Variants in EVA1C observed in about 807,000 individuals in gnomAD.
EVA1C encodes protein eva-1 homolog C.
A neutral mutation model predicts 45.4 loss-of-function variants in EVA1C; 25 were observed. The observed-to-expected ratio is 0.55, with a 90% CI of 0.40 to 0.77. The LOEUF is 0.77. Among genes scored for constraint, EVA1C ranks in the 30% least tolerant of loss-of-function variants. The pLI is 0.00. For missense variants in EVA1C, 479 were observed against 554.8 expected (o/e 0.86, Z 1.37); for synonymous variants, 190 against 221.2 (o/e 0.86, Z 1.25).
chr21:32,496,770 G>T, intron 5 of EVA1C: 1 of 686,162 alleles, frequency 1.5e-6, no homozygotes, highest in Admixed American at 2.3e-5. Flanking sequence ...CGGGAAAGCT[G>T]AGACACTGCT....
chr21:32,475,206 C>A (rs560536408), intron 4 of EVA1C, among the ~76,000 whole-genome samples: 7 of 152,166 alleles, frequency 4.6e-5, no homozygotes, highest in South Asian at 2.1e-4. Flanking sequence ...CTGGATACCC[C>A]CTTGGAACAC....
chr21:32,502,780 A>C (rs2037600648), intron 6 of EVA1C, among the ~76,000 whole-genome samples: 1 of 152,088 alleles, frequency 6.6e-6, no homozygotes, highest in Non-Finnish European at 1.5e-5. Context: ...TCTTTCTTTT[A>C]ACTAATTAAT....
intron 7 of EVA1C, among the ~76,000 whole-genome samples, chr21:32,507,139 T>A (rs987073240): frequency 6.6e-6 from 1 of 152,218 alleles, no homozygotes; most frequent in Non-Finnish European, 1.5e-5. Flanking sequence ...GACAGGAGGA[T>A]GTCCAAGGGT....
intron 3 of EVA1C, among the ~76,000 whole-genome samples, chr21:32,464,510 A>G (rs376830402): frequency 1.9e-4 from 29 of 152,154 alleles, no homozygotes; most frequent in African/African-American, 7.0e-4. Context: ...AAGTCATGGA[A>G]ATTTACAAGG....
chr21:32,419,786 G>A (rs539642388), intron 1 of EVA1C, among the ~76,000 whole-genome samples: 1 of 149,224 alleles, frequency 6.7e-6, no homozygotes, highest in African/African-American at 2.4e-5. Context: ...CTGAGCAATG[G>A]ACCAAGAAGG....
intron 1 of EVA1C, among the ~76,000 whole-genome samples, chr21:32,446,083 A>C (rs1485010556): frequency 6.6e-6 from 1 of 152,140 alleles, no homozygotes; most frequent in Non-Finnish European, 1.5e-5. Flanking sequence ...GTCTCTACTA[A>C]AAATAAAAAA....
chr21:32,458,014 T>C (rs540929735), intron 3 of EVA1C, among the ~76,000 whole-genome samples: 2 of 152,326 alleles, frequency 1.3e-5, no homozygotes, highest in African/African-American at 4.8e-5. Context: ...ATGCTACAAC[T>C]CTCAGGGGTG....
chr21:32,493,139 T>C (rs2037222300), intron 4 of EVA1C, among the ~76,000 whole-genome samples: 1 of 152,210 alleles, frequency 6.6e-6, no homozygotes, highest in African/African-American at 2.4e-5. Context: ...GACATCATGC[T>C]ACCTGTTATA....
chr21:32,439,072 C>A (rs993620843), intron 1 of EVA1C, among the ~76,000 whole-genome samples: 3 of 150,996 alleles, frequency 2.0e-5, no homozygotes, highest in Non-Finnish European at 4.4e-5. Flanking sequence ...TCCGTCTCTA[C>A]CTAAAATACA....
chr21:32,507,589 C>T (rs1268974655), intron 7 of EVA1C, among the ~76,000 whole-genome samples: 3 of 148,622 alleles, frequency 2.0e-5, no homozygotes, highest in African/African-American at 7.5e-5. Context: ...TATGTGTGTG[C>T]ATGTGTGTTT....
intron 4 of EVA1C, among the ~76,000 whole-genome samples, chr21:32,491,023 C>G (rs1412438383): frequency 1.3e-5 from 2 of 152,182 alleles, no homozygotes; most frequent in African/African-American, 4.8e-5. Context: ...TGGATAGCGA[C>G]AAATGAGCAA....
intron 4 of EVA1C, among the ~76,000 whole-genome samples, chr21:32,493,061 G>T (rs1464608219): frequency 6.6e-6 from 1 of 152,182 alleles, no homozygotes; most frequent in Non-Finnish European, 1.5e-5. Context: ...AGTGGGCCAG[G>T]TGTGGGAACT....
At chr21:32,473,964 T>C (rs1330186028) in intron 4 of EVA1C, 1 of 985,280 alleles carries the variant, frequency 1.0e-6, no homozygotes, top group Non-Finnish European at 1.2e-6. Context: ...GCATTTTGGC[T>C]GTGGCCGTGA....
At chr21:32,504,061 A>T in intron 7 of EVA1C, 46 bp downstream of exon 7, 1 of 1,338,676 alleles carries the variant, frequency 7.5e-7, no homozygotes, top group South Asian at 1.2e-5. Flanking sequence ...TGGATTTACT[A>T]AAGTCTTGTT....
At chr21:32,451,220 G>A (rs1022369619) in intron 1 of EVA1C, among the ~76,000 whole-genome samples, 9 of 152,082 alleles carry the variant, frequency 5.9e-5, no homozygotes, top group African/African-American at 1.2e-4. Context: ...ACAGGTCATC[G>A]AGCAGGAATC....
At chr21:32,498,399 A>T (rs1213674128) in intron 5 of EVA1C, among the ~76,000 whole-genome samples, 1 of 150,832 alleles carries the variant, frequency 6.6e-6, no homozygotes, top group East Asian at 2.0e-4. Flanking sequence ...GTGAGCTGAG[A>T]TCTCGTCACT....
At chr21:32,482,084 C>G (rs184598887) in intron 4 of EVA1C, among the ~76,000 whole-genome samples, 1 of 152,280 alleles carries the variant, frequency 6.6e-6, no homozygotes, top group Admixed American at 6.5e-5. Flanking sequence ...ACACCACTGC[C>G]TTTTTAACAA....
intron 1 of EVA1C, among the ~76,000 whole-genome samples, chr21:32,431,369 G>A (rs777881040): frequency 6.6e-6 from 1 of 152,244 alleles, no homozygotes; most frequent in Non-Finnish European, 1.5e-5. Context: ...GACATGGGGG[G>A]CTCAGAAAGT....
chr21:32,453,535 A>G, intron 2 of EVA1C, 27 bp downstream of exon 2: 2 of 1,514,306 alleles, frequency 1.3e-6, no homozygotes, highest in Non-Finnish European at 1.8e-6. Flanking sequence ...ACATGTTAAG[A>G]TGATACAGTT....
Sources: allele counts gnomAD v4.1 joint callset (sites outside exome capture counted in the v4.1 genomes callset), GRCh38; gene constraint gnomAD v4.1.1; transcripts MANE v1.5; gene names NCBI Gene and HGNC (gene_info 2026-07-23, HGNC 2026-07-21).